Variants in COL25A1 observed in about 807,000 individuals in gnomAD.
The protein encoded by COL25A1 is collagen type XXV alpha 1 chain.
A neutral mutation model predicts 128.4 loss-of-function variants in COL25A1; 103 were observed. The observed-to-expected ratio is 0.80, with a 90% CI of 0.68 to 0.94. The LOEUF (loss-of-function observed/expected upper bound fraction) is 0.94, where lower values mean the gene tolerates loss of function less well. COL25A1 is among the 40% of genes least tolerant of loss of function. The pLI is 0.00. For synonymous variants in COL25A1, 279 were observed against 277.2 expected, an observed-to-expected ratio of 1.01 and a Z score of -0.06; for missense variants, 745 against 840.0, an observed-to-expected ratio of 0.89 and a Z score of 1.40.
chr4:109,034,039 T>C (rs1322860462), intron 5 of COL25A1, among the ~76,000 whole-genome samples: 1 of 152,230 alleles, frequency 6.6e-6, no homozygotes, highest in East Asian at 1.9e-4. Context: ...AGTAATATTA[T>C]AGTACTTAAA....
At chr4:109,202,011 C>G (rs977575185) in intron 3 of COL25A1, among the ~76,000 whole-genome samples, 11 of 152,090 alleles carry the variant, frequency 7.2e-5, no homozygotes, top group African/African-American at 2.7e-4. Context: ...TGCTCCTGAA[C>G]AGAAAACTCA....
At chr4:109,173,348 A>G (rs1259955639) in intron 3 of COL25A1, among the ~76,000 whole-genome samples, 1 of 152,184 alleles carries the variant, frequency 6.6e-6, no homozygotes, top group Non-Finnish European at 1.5e-5. Context: ...TCAGCCTCCC[A>G]AAGTGCTTGG....
intron 3 of COL25A1, among the ~76,000 whole-genome samples, chr4:109,071,282 A>C (rs1318058997): frequency 6.6e-6 from 1 of 152,206 alleles, no homozygotes; most frequent in Non-Finnish European, 1.5e-5. Flanking sequence ...CTTATACCTT[A>C]TACAAAAATT....
At chr4:109,297,256 C>T (rs930052041) in intron 3 of COL25A1, among the ~76,000 whole-genome samples, 2 of 151,928 alleles carry the variant, frequency 1.3e-5, no homozygotes, top group Non-Finnish European at 2.9e-5. Flanking sequence ...GATGGCTGCC[C>T]AACTCTATTA....
chr4:108,947,581 G>A (rs1317908606), intron 8 of COL25A1, among the ~76,000 whole-genome samples: 1 of 152,172 alleles, frequency 6.6e-6, no homozygotes, highest in Non-Finnish European at 1.5e-5. Flanking sequence ...GGGATGAGCA[G>A]GGGAAGAGGC....
At position 109,229,513 on chromosome 4, in the gene COL25A1, A is replaced by G. The variant is rs1779028720; in HGVS notation, c.367+71070T>C. Among the ~76,000 whole-genome samples, 3 of 152,318 alleles carry G rather than the reference A, an allele frequency of 2.0e-5. No individual in the cohort carries two copies. The South Asian group carries it at 6.2e-4, about 32-fold the overall frequency. On this transcript the variant is annotated intron_variant, in intron 3 of 37. Transcript: ENST00000399132. ...CATGCTTGAACAAAGCCTACCTCAC[A>G]CACACAAGTTCTCCATAAGACACGT...
intron 3 of COL25A1, among the ~76,000 whole-genome samples, chr4:109,199,168 A>G (rs1476455947): frequency 6.6e-6 from 1 of 152,180 alleles, no homozygotes; most frequent in Non-Finnish European, 1.5e-5. Flanking sequence ...CTCAAAGAAA[A>G]ATGTTTTATA....
At chr4:109,216,922 T>C (rs1778040545) in intron 3 of COL25A1, among the ~76,000 whole-genome samples, 1 of 152,140 alleles carries the variant, frequency 6.6e-6, no homozygotes, top group Non-Finnish European at 1.5e-5. Flanking sequence ...TTTCCTGTAA[T>C]ATTCAACCAA....
chr4:109,252,405 G>T (rs1191381506), intron 3 of COL25A1, among the ~76,000 whole-genome samples: 1 of 152,184 alleles, frequency 6.6e-6, no homozygotes, highest in Non-Finnish European at 1.5e-5. Context: ...CTCCATCCCT[G>T]CCACAGTGGC....
chr4:108,816,063 A>G (rs1731220875), intron 37 of COL25A1, among the ~76,000 whole-genome samples: 1 of 152,148 alleles, frequency 6.6e-6, no homozygotes, highest in Admixed American at 6.5e-5. Flanking sequence ...GGGTTATGAT[A>G]GTGGAGGGAT....
At chr4:109,197,837 T>C (rs1300421400) in intron 3 of COL25A1, among the ~76,000 whole-genome samples, 1 of 151,940 alleles carries the variant, frequency 6.6e-6, no homozygotes, top group Non-Finnish European at 1.5e-5. Flanking sequence ...TTATTCATCC[T>C]CTCAAAACAT....
At chr4:109,293,613 T>C (rs1724679582) in intron 3 of COL25A1, among the ~76,000 whole-genome samples, 1 of 152,030 alleles carries the variant, frequency 6.6e-6, no homozygotes, top group East Asian at 1.9e-4. Flanking sequence ...ACCAGGAAAC[T>C]AGAGCTCCTA....
At chr4:109,220,157 C>T (rs1778311616) in intron 3 of COL25A1, among the ~76,000 whole-genome samples, 1 of 152,132 alleles carries the variant, frequency 6.6e-6, no homozygotes, top group Non-Finnish European at 1.5e-5. Flanking sequence ...CCAAAAAACA[C>T]ACTATGAGAA....
At chr4:109,019,175 C>T (rs113193341) in intron 5 of COL25A1, among the ~76,000 whole-genome samples, 30,881 of 151,538 alleles carry the variant, frequency 0.2, 3,859 homozygotes, top group East Asian at 0.45. Context: ...AAAGAGAGAC[C>T]GGCCTAGCCT....
chr4:109,067,597 A>T (rs1222479096), intron 3 of COL25A1, among the ~76,000 whole-genome samples: 2 of 152,170 alleles, frequency 1.3e-5, no homozygotes, highest in African/African-American at 4.8e-5. Context: ...CAGTGGAAAA[A>T]TTTCTTTACA....
chr4:108,911,056 CA>C (rs1178571844), intron 13 of COL25A1, among the ~76,000 whole-genome samples: 32 of 152,114 alleles, frequency 2.1e-4, no homozygotes, highest in African/African-American at 6.8e-4. Flanking sequence ...TATTACATTG[CA>C]GCCTTATTTT....
intron 23 of COL25A1, among the ~76,000 whole-genome samples, 187 bp from the exon 24 acceptor site, chr4:108,859,920 A>G (rs1463255201): frequency 6.6e-6 from 1 of 152,178 alleles, no homozygotes; most frequent in East Asian, 1.9e-4. Context: ...GAGGCAAACC[A>G]CTTCTTATAT....
chr4:109,258,104 T>C (rs2126252283), intron 3 of COL25A1, among the ~76,000 whole-genome samples: 1 of 152,230 alleles, frequency 6.6e-6, no homozygotes, highest in African/African-American at 2.4e-5. Context: ...TCCTTCCTGC[T>C]CCCACCCAAT....
chr4:109,139,404 T>C (rs989550171), intron 3 of COL25A1, among the ~76,000 whole-genome samples: 2 of 152,202 alleles, frequency 1.3e-5, no homozygotes, highest in Non-Finnish European at 2.9e-5. Context: ...TCTTTGCCCA[T>C]GCCTATGTCC....
Sources: gnomAD v4.1 joint callset for allele counts (sites outside exome capture counted in the v4.1 genomes callset) on GRCh38, gnomAD v4.1.1 for gene constraint, MANE v1.5 for transcripts, NCBI Gene and HGNC (gene_info 2026-07-23, HGNC 2026-07-21) for gene names.